Variants in CCT2 observed in about 807,000 individuals in gnomAD.
CCT2 encodes T-complex protein 1 subunit beta.
A neutral mutation model predicts 61.8 loss-of-function variants in CCT2; 18 were observed. That is an observed-to-expected ratio of 0.29 (90% CI 0.20 to 0.43). The LOEUF (loss-of-function observed/expected upper bound fraction) is 0.43. Among genes scored for constraint, CCT2 ranks in the 20% least tolerant of loss-of-function variants. The pLI, the probability that CCT2 is intolerant of heterozygous loss-of-function variation, is 1.00. For synonymous variants in CCT2, 248 were observed against 215.9 expected (o/e 1.15, Z -1.30); for missense variants, 556 against 656.9 (o/e 0.85, Z 1.68).
intron 9 of CCT2, among the ~76,000 whole-genome samples, 168 bp downstream of exon 9, chr12:69,593,271 A>ATTAT (rs1881890408): frequency 2.6e-5 from 4 of 152,228 alleles, no homozygotes; most frequent in Non-Finnish European, 4.4e-5. Context: ...ACTTACAGTG[A>ATTAT]CCAGAATTAC....
Position 69,597,744 on chromosome 12 carries a change from C to T in CCT2, c.1209C>T (p.Asp403=), listed in dbSNP as rs765432754. The T allele has an allele frequency of 1.9e-6, 3 of 1,612,784 alleles. No homozygotes were observed. The highest frequency in any genetic ancestry group is 1.7e-5 in the Admixed American group (1 of 59,962). ...GTGTTCTTGCGCAAACTGTAAAGGA[C>T]TCTAGAACAGTTTATGGAGGAGGTA... ...ALCVLAQTVK[D]SRTVYGGGCS... The change falls in exon 12 of 16, where the codon GAC becomes GAT. Residue 403 remains aspartate, a synonymous_variant. Transcript: ENST00000299300.
At chr12:69,595,236 G>C (rs758326013) in intron 10 of CCT2, among the ~76,000 whole-genome samples, 1 of 152,114 alleles carries the variant, frequency 6.6e-6, no homozygotes, top group Non-Finnish European at 1.5e-5. Context: ...AAGCATAGTC[G>C]TCTTCTAACC....
intron 8 of CCT2, chr12:69,592,641 T>A (rs1029018140): frequency 9.2e-6 from 2 of 217,340 alleles, no homozygotes; most frequent in Non-Finnish European, 1.8e-5. Flanking sequence ...AAAAGAGTAA[T>A]GAGGCCTGGC....
intron 7 of CCT2, among the ~76,000 whole-genome samples, 198 bp from the exon 8 acceptor site, chr12:69,591,861 G>A (rs554295402): frequency 1.3e-4 from 20 of 150,176 alleles, no homozygotes; most frequent in African/African-American, 4.6e-4. Context: ...GCTTTCAGGC[G>A]CTAAAAGCCT....
chr12:69,591,990 GCT>G (rs199780430), intron 7 of CCT2, 67 bp from the exon 8 acceptor site: 9 of 753,300 alleles, frequency 1.2e-5, no homozygotes, highest in African/African-American at 3.2e-5. Flanking sequence ...AAAGCAGACA[GCT>G]TTTTATAAGA....
intron 10 of CCT2, among the ~76,000 whole-genome samples, 168 bp from the exon 11 acceptor site, chr12:69,596,988 A>G (rs972733728): frequency 1.3e-5 from 2 of 152,248 alleles, no homozygotes; most frequent in Admixed American, 1.3e-4. Flanking sequence ...TAAAGATTAA[A>G]TAATTAGTCG....
At chr12:69,592,326 A>G in intron 8 of CCT2, 167 bp downstream of exon 8, 1 of 393,160 alleles carries the variant, frequency 2.5e-6, no homozygotes. Context: ...AAAAAAAAAA[A>G]TACAAAATTA....
chr12:69,587,432 A>G lies in CCT2; in HGVS notation c.145-73A>G, dbSNP rs1881698986. ...AGTGTTTATACACTAGCACTGTGTGAGAATACTGATTGATCCATGCATTCT... is the reference window on the plus strand; with the variant it reads ...AGTGTTTATACACTAGCACTGTGTGGGAATACTGATTGATCCATGCATTCT... On this transcript the variant is annotated intron_variant, in intron 3 of 15. Transcript: ENST00000299300. The G allele has an allele frequency of 5.9e-6, 5 of 852,412 alleles. No individual in the cohort carries two copies. The Admixed American group carries it at 7.5e-5, about 13-fold the overall frequency. The allele number at this position is 852,412 out of a possible 1,614,324, so 52.8% of individuals were successfully genotyped here.
At position 69,587,861 on chromosome 12, in the gene CCT2, G is replaced by C; in HGVS notation, c.257-69G>C. 2.5e-6 allele frequency: 3 copies of C among 1,223,046 alleles called. No homozygotes were observed. In the South Asian group the frequency reaches 3.7e-5, roughly 15 times the overall value. The allele number at this position is 1,223,046 out of a possible 1,614,324, so 75.8% of individuals were successfully genotyped here. ...GAACCCTGGTAAGTTTAGATTGGTA[G>C]TGAATATTTTTGGAGAATTTAGTAA... On this transcript the variant is annotated intron_variant, in intron 4 of 15. Transcript: ENST00000299300.
chr12:69,586,317 TGAA>T lies in CCT2; in HGVS notation c.54_56del (p.Glu19del), dbSNP rs776742327. ...TTAACATCTTTAAGGCAGGAGCTGATGAAGAGAGAGCAGAGACAGCTCGTCTGG... is the reference window on the plus strand; with the variant it reads ...TTAACATCTTTAAGGCAGGAGCTGATGAGAGAGCAGAGACAGCTCGTCTGG... On this transcript the variant is annotated inframe_deletion, in exon 2 of 16. Transcript: ENST00000299300. 1 of 1,613,280 alleles carries T rather than the reference TGAA, an allele frequency of 6.2e-7. No homozygotes were observed. Among genetic ancestry groups the T allele is most frequent in the African/African-American group, 1.3e-5 (1 of 74,996 alleles).
In CCT2 at chr12:69,598,012, A is replaced by G; in HGVS notation, c.1276A>G (p.Asn426Asp). The G allele has an allele frequency of 6.2e-7, 1 of 1,614,060 alleles. No individual in the cohort carries two copies. The highest frequency in any genetic ancestry group is 8.5e-7 in the Non-Finnish European group (1 of 1,179,920). Residue 426 changes from asparagine (N) to aspartate (D), a missense_variant, in exon 13 of 16, where the codon AAT becomes GAT. Physicochemically the swap from Asn to Asp is conservative, Grantham distance 23 (BLOSUM62 1). Around this residue, in one of 3 missense-constraint regions of CCT2, gnomAD observed 225 missense variants for 249.8 expected, o/e 0.90. Coordinates refer to ENST00000299300, the MANE Select transcript of CCT2 (RefSeq NM_006431.3). ...GGCTCATGCTGTGACACAGCTTGCC[A>G]ATAGAACACCAGGCAAAGAAGCTGT... is the stretch of plus-strand genomic sequence containing the variant. ...LMAHAVTQLA[N>D]RTPGKEAVAM... is the part of the protein sequence containing the mutation.
At chr12:69,596,650 A>C (rs887650512) in intron 10 of CCT2, among the ~76,000 whole-genome samples, 1 of 152,218 alleles carries the variant, frequency 6.6e-6, no homozygotes, top group Non-Finnish European at 1.5e-5. Flanking sequence ...TAAGCAGTTC[A>C]TGAAGTGTAT....
chr12:69,597,369 T>C (rs74336375), intron 11 of CCT2, 94 bp downstream of exon 11: 3 of 1,431,492 alleles, frequency 2.1e-6, no homozygotes, highest in African/African-American at 2.8e-5. Flanking sequence ...TAGCATATCT[T>C]ACAAGTCTTA....
At chr12:69,589,818 C>T in intron 7 of CCT2, 131 bp downstream of exon 7, 1 of 697,468 alleles carries the variant, frequency 1.4e-6, no homozygotes, top group Non-Finnish European at 2.4e-6. Flanking sequence ...ATCATATGTG[C>T]AACCATTTTT....
At position 69,595,902 on chromosome 12, in the gene CCT2, A is replaced by G. The variant is rs1246866808; in HGVS notation, c.983-1254A>G. On this transcript the variant is annotated intron_variant, in intron 10 of 15. Transcript: ENST00000299300. ...GTGTATGATGACATTGGTTCTTGCA[A>G]GTGTCATTAAATAAATGTCTTGCAC... Among the ~76,000 whole-genome samples the G allele has an allele frequency of 2.6e-5, 4 of 152,142 alleles. No individual in the cohort carries two copies. The East Asian group carries it at 7.7e-4, about 29-fold the overall frequency.
rs751685855 is a variant in CCT2, at chr12:69,585,538, C to T, written c.3+14C>T. 6.4e-6 allele frequency: 10 copies of T among 1,571,614 alleles called. No homozygotes were observed. In the East Asian group the frequency reaches 1.2e-4, roughly 18 times the overall value. ...CTCGGAACCATGGTGAGCCTGACTC[C>T]CCTGCCTCTTGCCCTACCCCTGCTC... On this transcript the variant is annotated intron_variant, in intron 1 of 15. Coordinates refer to ENST00000299300, the MANE Select transcript of CCT2 (RefSeq NM_006431.3).
chr12:69,587,301 T>C (rs968211543), intron 3 of CCT2, among the ~76,000 whole-genome samples: 1 of 152,242 alleles, frequency 6.6e-6, no homozygotes, highest in Non-Finnish European at 1.5e-5. Context: ...CAAAAACTAG[T>C]GTCTACCTGT....
chr12:69,601,404 T>A lies in CCT2; in HGVS notation c.*79T>A, dbSNP rs1293267978. Reference sequence around the variant, plus strand: ...AAAGATACTCTATTAAAGAAGACTGTGGAATCTGTTTATCGGTGCCCATTA... The same window carrying A: ...AAAGATACTCTATTAAAGAAGACTGAGGAATCTGTTTATCGGTGCCCATTA... On this transcript the variant is annotated 3_prime_UTR_variant, in exon 16 of 16. Coordinates refer to ENST00000299300, the MANE Select transcript of CCT2 (RefSeq NM_006431.3). The A allele has an allele frequency of 6.2e-7, 1 of 1,613,312 alleles. No homozygotes were observed. Among genetic ancestry groups the A allele is most frequent in the Admixed American group, 1.7e-5 (1 of 59,844 alleles).
chr12:69,596,452 A>G (rs1881996459), intron 10 of CCT2, among the ~76,000 whole-genome samples: 1 of 152,236 alleles, frequency 6.6e-6, no homozygotes. Flanking sequence ...GAAATAGGGA[A>G]CGAAGTGGCT....
Sources: allele counts gnomAD v4.1 joint callset (sites outside exome capture counted in the v4.1 genomes callset), GRCh38; gene constraint gnomAD v4.1.1; regional missense constraint gnomAD v4.1.1; transcripts MANE v1.5; gene names NCBI Gene and HGNC (gene_info 2026-07-23, HGNC 2026-07-21).